Variants in TMEFF2 observed in about 807,000 individuals in gnomAD.
TMEFF2 encodes transmembrane protein with EGF like and two follistatin like domains 2.
Under a neutral mutation model 53.8 loss-of-function variants are expected in TMEFF2, and 28 were observed. The observed-to-expected ratio is 0.52, with a 90% CI of 0.39 to 0.71. The LOEUF (loss-of-function observed/expected upper bound fraction) is 0.71, where lower values mean the gene tolerates loss of function less well. Ranked by LOEUF, TMEFF2 falls within the 30% of genes least tolerant of loss-of-function variation. The pLI is 0.00. For missense variants in TMEFF2, 353 were observed against 455.2 expected (o/e 0.78, Z 2.04); for synonymous variants, 162 against 166.3 (o/e 0.97, Z 0.20).
intron 5 of TMEFF2, among the ~76,000 whole-genome samples, chr2:192,014,737 G>A (rs947455940): frequency 6.6e-6 from 1 of 152,196 alleles, no homozygotes; most frequent in Admixed American, 6.5e-5. Flanking sequence ...TGCAGGGACA[G>A]CTACTGAGAA....
chr2:192,041,635 A>G (rs180834305), intron 5 of TMEFF2, among the ~76,000 whole-genome samples: 2 of 152,310 alleles, frequency 1.3e-5, no homozygotes, highest in East Asian at 3.9e-4. Context: ...ACCTGAAAAC[A>G]TACATTCCCA....
chr2:192,015,050 C>T (rs923636819), intron 5 of TMEFF2, among the ~76,000 whole-genome samples: 1 of 152,142 alleles, frequency 6.6e-6, no homozygotes, highest in African/African-American at 2.4e-5. Flanking sequence ...CCTTTGCATA[C>T]TTAAAGAGAC....
chr2:192,192,011 C>G, intron 1 of TMEFF2, 22 bp from the exon 2 acceptor site: 3 of 1,483,342 alleles, frequency 2.0e-6, no homozygotes, highest in Non-Finnish European at 2.8e-6. Flanking sequence ...AGAGAACACT[C>G]CAGTCATTAA....
chr2:192,194,580 G>C lies in TMEFF2; in HGVS notation c.-56C>G. On this transcript the variant is annotated 5_prime_UTR_variant, in exon 1 of 10. Transcript: ENST00000272771. This position sits in a 1 kb window ranked among gnomAD's most constrained non-coding sequence, Gnocchi z 4.2. ...CGGCTTCCGAGGAACACAGGATCGC[G>C]GGGGCCGGGCAGCGGGCTACTGAGC... The C allele has an allele frequency of 2.5e-6, 4 of 1,578,412 alleles. No homozygotes were observed. In the South Asian group the frequency reaches 4.6e-5, roughly 18 times the overall value.
rs1022989845 is a variant in TMEFF2 at position 192,024,144 on chromosome 2, G to T, written c.537-24936C>A. ...TTGAATGTATTTCCCATAGATGAGG[G>T]TTTTCCATAGTTGATTTATCATAAA... On this transcript the variant is annotated intron_variant, in intron 5 of 9. Transcript: ENST00000272771. Among the ~76,000 whole-genome samples, 5 of 152,110 alleles carry T rather than the reference G, an allele frequency of 3.3e-5. No homozygotes were observed. In the East Asian group the frequency reaches 9.7e-4, roughly 29 times the overall value.
chr2:191,953,883 ATTTT>A (rs563154787), intron 8 of TMEFF2, 46 bp from the exon 9 acceptor site: 12,039 of 604,956 alleles, frequency 0.02, 4 homozygotes, highest in South Asian at 0.03. Context: ...TGCTGCATTC[ATTTT>A]TTTTTTTTTT....
intron 4 of TMEFF2, among the ~76,000 whole-genome samples, chr2:192,152,653 G>T (rs1690416230): frequency 6.6e-6 from 1 of 151,890 alleles, no homozygotes; most frequent in Non-Finnish European, 1.5e-5. Flanking sequence ...TAATAAAAGT[G>T]AGCACAGATT....
intron 4 of TMEFF2, among the ~76,000 whole-genome samples, chr2:192,132,123 G>A (rs903318938): frequency 6.6e-6 from 1 of 151,742 alleles, no homozygotes; most frequent in Non-Finnish European, 1.5e-5. Flanking sequence ...GGCCAAGCTA[G>A]GCCCCAATTC....
intron 5 of TMEFF2, among the ~76,000 whole-genome samples, chr2:192,027,474 T>C (rs1268784846): frequency 1.3e-5 from 2 of 152,224 alleles, no homozygotes; most frequent in African/African-American, 4.8e-5. Flanking sequence ...AGTAACTATA[T>C]AGAGAGTATA....
At chr2:192,018,781 TTA>T (rs1278830855) in intron 5 of TMEFF2, among the ~76,000 whole-genome samples, 1 of 151,740 alleles carries the variant, frequency 6.6e-6, no homozygotes, top group Non-Finnish European at 1.5e-5. Context: ...ACTGGCAAAA[TTA>T]TAGTTTTTCC....
chr2:192,048,684 G>C (rs897415971), intron 5 of TMEFF2, among the ~76,000 whole-genome samples: 1 of 151,950 alleles, frequency 6.6e-6, no homozygotes, highest in Non-Finnish European at 1.5e-5. Flanking sequence ...ATTTAATTTG[G>C]TGACTCTTCC....
In TMEFF2 at chr2:191,951,448, T is replaced by TAGAAAGAAGGAGAAGAGATAGA. The variant is rs1376547415; in HGVS notation, c.1029-1063_1029-1042dup. On this transcript the variant is annotated intron_variant, in intron 9 of 9. Transcript: ENST00000272771. ...AAAAGATTTTTTTAAAAAAAGAAAG[T>TAGAAAGAAGGAGAAGAGATAGA]AGAAAGAAGGAGAAGAGATAGAAGA... is the stretch of plus-strand genomic sequence containing the variant. 1.8e-4 allele frequency among the ~76,000 whole-genome samples: 25 copies of TAGAAAGAAGGAGAAGAGATAGA among 138,442 alleles called. No individual in the cohort carries two copies. The East Asian group carries it at 4.1e-3, about 23-fold the overall frequency. The allele number at this position is 138,442 out of a possible 152,430, so 90.8% of individuals were successfully genotyped here.
chr2:192,145,627 G>A (rs1690232739), intron 4 of TMEFF2, among the ~76,000 whole-genome samples: 1 of 151,926 alleles, frequency 6.6e-6, no homozygotes, highest in Admixed American at 6.6e-5. Flanking sequence ...AAAAACATGA[G>A]TAAATTTCTG....
chr2:192,066,258 A>G (rs1688167658), intron 4 of TMEFF2, among the ~76,000 whole-genome samples: 1 of 151,948 alleles, frequency 6.6e-6, no homozygotes, highest in African/African-American at 2.4e-5. Context: ...TATCAGTGTC[A>G]TAGTGCAGTA....
At chr2:191,986,270 C>T (rs1486438126) in intron 7 of TMEFF2, among the ~76,000 whole-genome samples, 1 of 152,136 alleles carries the variant, frequency 6.6e-6, no homozygotes, top group Non-Finnish European at 1.5e-5. Context: ...CAGTGTTTGG[C>T]TCAGTAATTT....
intron 4 of TMEFF2, among the ~76,000 whole-genome samples, chr2:192,163,557 A>G (rs1335458534): frequency 6.6e-6 from 1 of 152,230 alleles, no homozygotes; most frequent in East Asian, 1.9e-4. Context: ...AATTGTATAA[A>G]TTTTAAAAGG....
intron 4 of TMEFF2, among the ~76,000 whole-genome samples, chr2:192,106,293 A>G (rs1689143167): frequency 6.6e-6 from 1 of 151,820 alleles, no homozygotes; most frequent in South Asian, 2.1e-4. Flanking sequence ...ATATGTACAG[A>G]AAAATACATA....
intron 7 of TMEFF2, among the ~76,000 whole-genome samples, chr2:191,973,577 T>C (rs1196777073): frequency 7.4e-6 from 1 of 135,652 alleles, no homozygotes; most frequent in Admixed American, 7.8e-5. Context: ...TCTAATGTCA[T>C]GAGAGGGCTA....
chr2:192,031,181 T>G (rs1559092579), intron 5 of TMEFF2, among the ~76,000 whole-genome samples: 1 of 152,328 alleles, frequency 6.6e-6, no homozygotes, highest in South Asian at 2.1e-4. Context: ...GTCCAATATA[T>G]CCTAATAAGT....
Sources: gnomAD v4.1 joint callset for allele counts (sites outside exome capture counted in the v4.1 genomes callset) on GRCh38, gnomAD v4.1.1 for gene constraint, Gnocchi (gnomAD v3.1) non-coding constraint, MANE v1.5 for transcripts, NCBI Gene and HGNC (gene_info 2026-07-23, HGNC 2026-07-21) for gene names.